KLHL14: variants seen among roughly 807,000 people sequenced by gnomAD.
The protein encoded by KLHL14 is kelch like family member 14, also known as kelch-like protein 14.
A neutral mutation model predicts 64.3 loss-of-function variants in KLHL14; 22 were observed. The ratio of observed to expected loss-of-function variants is 0.34; its 90% CI spans 0.24 to 0.49. The LOEUF (loss-of-function observed/expected upper bound fraction) is 0.49. KLHL14 is among the 20% of genes least tolerant of loss of function. KLHL14 has a pLI of 0.99. For synonymous variants in KLHL14, 322 were observed against 333.4 expected, an observed-to-expected ratio of 0.97 and a Z score of 0.37; for missense variants, 661 against 789.0, an observed-to-expected ratio of 0.84 and a Z score of 1.94.
chr18:32,739,646 A>G (rs902163830), intron 3 of KLHL14, among the ~76,000 whole-genome samples: 3,573 of 71,668 alleles, frequency 0.05, 155 homozygotes, highest in African/African-American at 0.21. Context: ...AACTTTGCAC[A>G]CACACACACA....
intron 3 of KLHL14, among the ~76,000 whole-genome samples, chr18:32,701,438 T>C (rs940190602): frequency 6.6e-6 from 1 of 152,078 alleles, no homozygotes; most frequent in Non-Finnish European, 1.5e-5. Context: ...GGGAATGAGT[T>C]GGTTGTGTCT....
At chr18:32,765,450 C>T (rs923233165) in intron 2 of KLHL14, among the ~76,000 whole-genome samples, 2 of 152,114 alleles carry the variant, frequency 1.3e-5, no homozygotes, top group Admixed American at 6.6e-5. Flanking sequence ...AACTATTTGA[C>T]TCCCATATCG....
In KLHL14 at chr18:32,673,238, C is replaced by G. The variant is rs936277713; in HGVS notation, c.*1419G>C. 6 of 152,590 alleles carry G rather than the reference C, an allele frequency of 3.9e-5. No individual in the cohort carries two copies. The highest frequency in any genetic ancestry group is 1.4e-4 in the African/African-American group (6 of 41,452). 9.5% of individuals were successfully genotyped at this position (152,590 alleles called of 1,614,324 possible). A position where few individuals can be genotyped will look rare whatever the true frequency, so the allele number is the denominator to read the frequency against. On this transcript the variant is annotated 3_prime_UTR_variant, in exon 9 of 9. Coordinates refer to ENST00000359358, the MANE Select transcript of KLHL14 (RefSeq NM_020805.3). The stretch of plus-strand genomic sequence containing the variant: ...GACGTGCTCTGCCATGAAAGCTTAT[C>G]ACTAAGGCATTTTTCATCTGTGGGA...
At chr18:32,719,209 A>G (rs2050062848) in intron 3 of KLHL14, among the ~76,000 whole-genome samples, 1 of 152,244 alleles carries the variant, frequency 6.6e-6, no homozygotes, top group South Asian at 2.1e-4. Flanking sequence ...TGGCCTCCCA[A>G]AGCACTGGGA....
At chr18:32,763,108 G>GT (rs5823861) in intron 2 of KLHL14, among the ~76,000 whole-genome samples, 63,588 of 138,082 alleles carry the variant, frequency 0.46, 15,648 homozygotes, top group East Asian at 0.93. Context: ...AAGCTTCAAG[G>GT]TTTTTTTTTT....
chr18:32,754,911 TC>T (rs1265877008), intron 2 of KLHL14, among the ~76,000 whole-genome samples: 2 of 152,118 alleles, frequency 1.3e-5, no homozygotes, highest in Non-Finnish European at 2.9e-5. Context: ...TATGAAATCA[TC>T]CTGGGGCAAA....
chr18:32,711,710 A>G lies in KLHL14; in HGVS notation c.1070-16158T>C, dbSNP rs1203461255. Among the ~76,000 whole-genome samples, 5 of 152,148 alleles carry G rather than the reference A, an allele frequency of 3.3e-5. No homozygotes were observed. In the East Asian group the frequency reaches 9.6e-4, roughly 29 times the overall value. On this transcript the variant is annotated intron_variant, in intron 3 of 8. Transcript: ENST00000359358. ...AATCCATTAAGCCTGACTCTTTTTC[A>G]CTGTTCCTCATACATCATACCATCA... is the stretch of plus-strand genomic sequence containing the variant.
Position 32,769,743 on chromosome 18 carries a change from G to T in KLHL14, c.849C>A (p.Phe283Leu), listed in dbSNP as rs2144198904. ...TCTGGCAGACCGGGTCGGTTCGCAT[G>T]AAATCCACTGACTGGACCCGCTCCA... ...ELVERVQSVD[F>L]MRTDPVCQKL... Residue 283 changes from phenylalanine (F) to leucine (L), a missense_variant, in exon 2 of 9, where the codon TTC becomes TTA. Physicochemically the swap from Phe to Leu is conservative, Grantham distance 22. This residue lies in a region of KLHL14 where 330 missense variants were observed against 450.0 expected (regional missense o/e 0.73). Transcript: ENST00000359358. 1 of 1,602,650 alleles carries T rather than the reference G, an allele frequency of 6.2e-7. No homozygotes were observed. Among genetic ancestry groups the T allele is most frequent in the Non-Finnish European group, 8.5e-7 (1 of 1,172,914 alleles).
intron 4 of KLHL14, among the ~76,000 whole-genome samples, chr18:32,694,240 A>G (rs1347419689): frequency 6.6e-6 from 1 of 152,190 alleles, no homozygotes; most frequent in Non-Finnish European, 1.5e-5. Context: ...TGCTTAGATA[A>G]ACCCAGTGGC....
intron 2 of KLHL14, among the ~76,000 whole-genome samples, chr18:32,751,174 C>G (rs1411949799): frequency 6.6e-6 from 1 of 152,184 alleles, no homozygotes; most frequent in African/African-American, 2.4e-5. Context: ...AGGCAGCTAG[C>G]CTTCCCTAAA....
chr18:32,690,386 C>T (rs951402257), intron 4 of KLHL14, among the ~76,000 whole-genome samples: 5 of 152,134 alleles, frequency 3.3e-5, no homozygotes, highest in Non-Finnish European at 7.3e-5. Flanking sequence ...AGGAGATATA[C>T]ACTGGCTCCC....
chr18:32,750,060 ACG>A (rs965879959), intron 2 of KLHL14, among the ~76,000 whole-genome samples: 7 of 151,472 alleles, frequency 4.6e-5, no homozygotes, highest in Non-Finnish European at 8.8e-5. Flanking sequence ...AGGAGAGCAC[ACG>A]TGTGTGCTCT....
chr18:32,739,257 C>T (rs1287075064), intron 3 of KLHL14, among the ~76,000 whole-genome samples: 1 of 152,048 alleles, frequency 6.6e-6, no homozygotes, highest in Non-Finnish European at 1.5e-5. Context: ...GTTCTCCAAT[C>T]CCTTAGGCTT....
intron 3 of KLHL14, among the ~76,000 whole-genome samples, chr18:32,731,541 C>T (rs1358094120): frequency 6.6e-6 from 1 of 152,020 alleles, no homozygotes; most frequent in African/African-American, 2.4e-5. Flanking sequence ...GGGTACTGAG[C>T]TTAATACCTG....
At chr18:32,758,125 T>G (rs542344181) in intron 2 of KLHL14, among the ~76,000 whole-genome samples, 1 of 152,188 alleles carries the variant, frequency 6.6e-6, no homozygotes, top group South Asian at 2.1e-4. Context: ...TGTTTTTTTT[T>G]GTTTGTTTGT....
chr18:32,687,926 G>A (rs943573111), intron 4 of KLHL14, among the ~76,000 whole-genome samples: 1 of 152,162 alleles, frequency 6.6e-6, no homozygotes, highest in Non-Finnish European at 1.5e-5. Flanking sequence ...AGTTCTGTGT[G>A]TGTATTTGGG....
chr18:32,690,136 A>T (rs1329678650), intron 4 of KLHL14, among the ~76,000 whole-genome samples: 1 of 152,196 alleles, frequency 6.6e-6, no homozygotes, highest in Admixed American at 6.6e-5. Flanking sequence ...GAGAGTGGTT[A>T]TAGGGATGGG....
rs751334239 is a variant in KLHL14, at chr18:32,674,682, G to C, written c.1862C>G (p.Pro621Arg). Residue 621 changes from proline to arginine, a missense_variant, in exon 9 of 9, where the codon CCC becomes CGC. By Grantham distance (103) the Pro-to-Arg change is moderately radical. This residue lies in a region of KLHL14 where 330 missense variants were observed against 450.0 expected (regional missense o/e 0.73). Coordinates refer to ENST00000359358, the MANE Select transcript of KLHL14 (RefSeq NM_020805.3). The part of the protein sequence containing the change: ...AGPACVTVIL[P>R]SCVPYNK ...TTATTTGTTGTATGGTACACAAGAG[G>C]GCAGAATAACTGTCACACAGGCAGG... 7 of 780,844 alleles carry C rather than the reference G, an allele frequency of 9.0e-6. 1 individual carries two copies. 48.4% of individuals were successfully genotyped at this position (780,844 alleles called of 1,614,324 possible). A position where few individuals can be genotyped will look rare whatever the true frequency, so the allele number is the denominator to read the frequency against.
At chr18:32,717,989 A>G (rs1190468146) in intron 3 of KLHL14, among the ~76,000 whole-genome samples, 1 of 152,202 alleles carries the variant, frequency 6.6e-6, no homozygotes, top group Non-Finnish European at 1.5e-5. Flanking sequence ...AGTAGTTACC[A>G]AGTGATGTCT....
Sources: allele counts gnomAD v4.1 joint callset (sites outside exome capture counted in the v4.1 genomes callset), GRCh38; gene constraint gnomAD v4.1.1; regional missense constraint gnomAD v4.1.1; transcripts MANE v1.5; gene names NCBI Gene and HGNC (gene_info 2026-07-23, HGNC 2026-07-21).